The following TXLNG variants were observed in gnomAD, a reference collection of about 807,000 sequenced individuals.
TXLNG encodes gamma-taxilin.
A neutral mutation model predicts 38.8 loss-of-function variants in TXLNG; 5 were observed. The ratio of observed to expected loss-of-function variants is 0.13; its 90% CI spans 0.07 to 0.27. The LOEUF (loss-of-function observed/expected upper bound fraction) is 0.27, where lower values mean the gene tolerates loss of function less well. Among genes scored for constraint, TXLNG ranks in the 10% least tolerant of loss-of-function variants. The probability of loss-of-function intolerance (pLI) is 1.00; values close to 1 mark genes in which losing one functional copy is unlikely to be tolerated. For synonymous variants in TXLNG, 182 were observed against 158.2 expected (o/e 1.15, Z -1.13); for missense variants, 393 against 398.2 (o/e 0.99, Z 0.11).
chrX:16,837,386 T>G (rs2147500107), intron 7 of TXLNG, among the ~76,000 whole-genome samples: 1 of 112,013 alleles, frequency 8.9e-6, no homozygotes, highest in South Asian at 3.7e-4. Context: ...GATCTAATAT[T>G]AAAGTCAACA....
intron 1 of TXLNG, among the ~76,000 whole-genome samples, chrX:16,815,179 T>TTTG (rs765668252): frequency 1.1e-3 from 118 of 111,682 alleles, no homozygotes; most frequent in Non-Finnish European, 1.3e-3. Flanking sequence ...TTTGTTTGTT[T>TTTG]TTGTTGTTGT....
In TXLNG at chrX:16,844,310, CTG is replaced by C. The variant is rs1403271108; in HGVS notation, c.*2547_*2548del. ...TCTTTCAGACTGTAGATGGAAATAA[CTG>C]TGAAAAAAATGATGCAGATATCTTC... is the stretch of plus-strand genomic sequence containing the variant. On this transcript the variant is annotated 3_prime_UTR_variant, in exon 10 of 10. Transcript: ENST00000380122. The C allele has an allele frequency of 8.9e-6, 1 of 112,091 alleles. No individual in the cohort carries two copies. The highest frequency in any genetic ancestry group is 1.9e-5 in the Non-Finnish European group (1 of 53,250). 9.2% of individuals were successfully genotyped at this position (112,091 alleles called of 1,213,427 possible). A position where few individuals can be genotyped will look rare whatever the true frequency, so the allele number is the denominator to read the frequency against.
intron 1 of TXLNG, among the ~76,000 whole-genome samples, chrX:16,797,009 C>T (rs1461262566): frequency 2.7e-5 from 3 of 111,376 alleles, no homozygotes; most frequent in Non-Finnish European, 5.6e-5. Flanking sequence ...TGAGGCTGGG[C>T]GCGGTGGCTC....
chrX:16,797,079 T>A lies in TXLNG; in HGVS notation c.102+10490T>A, dbSNP rs148119653. ...TGGGTGGATCACCTGAGGTCAGGAG[T>A]TTGAGACCAGTGTGGCCAACACAGG... is the stretch of plus-strand genomic sequence containing the variant. On this transcript the variant is annotated intron_variant, in intron 1 of 9. Coordinates refer to ENST00000380122, the MANE Select transcript of TXLNG (RefSeq NM_018360.3). 7.9e-3 allele frequency among the ~76,000 whole-genome samples: 865 copies of A among 109,715 alleles called. 7 individuals carry two copies. The highest frequency in any genetic ancestry group is 0.027 in the African/African-American group (815 of 30,094).
At chrX:16,787,221 C>T (rs1927525462) in intron 1 of TXLNG, among the ~76,000 whole-genome samples, 1 of 111,578 alleles carries the variant, frequency 9.0e-6, no homozygotes, top group African/African-American at 3.2e-5. Context: ...GGACGCTCGG[C>T]CCCCGGGACC....
intron 8 of TXLNG, 139 bp from the exon 9 acceptor site, chrX:16,839,682 G>GAC (rs770686454): frequency 7.4e-6 from 3 of 406,122 alleles, no homozygotes; most frequent in Non-Finnish European, 8.6e-6. Flanking sequence ...CTTCTATAAA[G>GAC]ACACACACAG....
rs762817842 is a variant in TXLNG, at chrX:16,844,397, A to ATTGT, written c.*2633_*2636dup. On this transcript the variant is annotated 3_prime_UTR_variant, in exon 10 of 10. Coordinates refer to ENST00000380122, the MANE Select transcript of TXLNG (RefSeq NM_018360.3). Reference sequence around the variant, plus strand: ...GCCCACGTCTTTCATGAGGATACGAATTGTTAAGAGGCAGTCTCGTTTTGC... The same window carrying ATTGT: ...GCCCACGTCTTTCATGAGGATACGAATTGTTTGTTAAGAGGCAGTCTCGTTTTGC... The ATTGT allele has an allele frequency of 1.8e-5, 2 of 112,399 alleles. No homozygotes were observed. Among genetic ancestry groups the ATTGT allele is most frequent in the African/African-American group, 6.5e-5 (2 of 30,917 alleles). The allele number at this position is 112,399 out of a possible 1,213,427, so 9.3% of individuals were successfully genotyped here.
intron 1 of TXLNG, among the ~76,000 whole-genome samples, chrX:16,817,504 T>C (rs919284124): frequency 8.9e-6 from 1 of 112,229 alleles, no homozygotes; most frequent in Admixed American, 9.5e-5. Flanking sequence ...TGCTCTCCCA[T>C]AAATTTTGAA....
At chrX:16,833,981 T>C (rs1209547141) in intron 6 of TXLNG, among the ~76,000 whole-genome samples, 1 of 112,293 alleles carries the variant, frequency 8.9e-6, no homozygotes, top group African/African-American at 3.2e-5. Context: ...CTGCTAATAC[T>C]GTACATGTAA....
chrX:16,843,380 G>GTTAA lies in TXLNG; in HGVS notation c.*1617_*1620dup, dbSNP rs1929940158. On this transcript the variant is annotated 3_prime_UTR_variant, in exon 10 of 10. Coordinates refer to ENST00000380122, the MANE Select transcript of TXLNG (RefSeq NM_018360.3). The stretch of plus-strand genomic sequence containing the variant: ...TATCTAAGCCTCCACTATCAGTCAT[G>GTTAA]TTAATTCAAGGGGCCACAGTGGAGG... The GTTAA allele has an allele frequency of 9.0e-6, 1 of 111,670 alleles. No individual in the cohort carries two copies. Among genetic ancestry groups the GTTAA allele is most frequent in the Admixed American group, 9.5e-5 (1 of 10,511 alleles). 9.2% of individuals were successfully genotyped at this position (111,670 alleles called of 1,213,427 possible). A position where few individuals can be genotyped will look rare whatever the true frequency, so the allele number is the denominator to read the frequency against.
At chrX:16,803,918 C>G (rs1928215287) in intron 1 of TXLNG, among the ~76,000 whole-genome samples, 1 of 109,905 alleles carries the variant, frequency 9.1e-6, no homozygotes, top group South Asian at 3.9e-4. Context: ...TGCCACTGCA[C>G]TCCAGCCTGG....
chrX:16,790,879 A>G (rs1040223267), intron 1 of TXLNG, among the ~76,000 whole-genome samples: 5 of 111,864 alleles, frequency 4.5e-5, no homozygotes, highest in Non-Finnish European at 9.4e-5. Context: ...TCTTTCATCT[A>G]TACTACAGTA....
chrX:16,786,602 G>C lies in TXLNG; in HGVS notation c.102+13G>C, dbSNP rs1433585901. ...CCCGCGGCAGAAGGTCAGTCAGGGGGACGCCCTCGTTGTTGTCGGGCCCGG... is the reference window on the plus strand; with the variant it reads ...CCCGCGGCAGAAGGTCAGTCAGGGGCACGCCCTCGTTGTTGTCGGGCCCGG... On this transcript the variant is annotated intron_variant, in intron 1 of 9. Coordinates refer to ENST00000380122, the MANE Select transcript of TXLNG (RefSeq NM_018360.3). 13 of 1,044,267 alleles carry C rather than the reference G, an allele frequency of 1.2e-5. No homozygotes were observed. Among genetic ancestry groups the C allele is most frequent in the Non-Finnish European group, 1.6e-5 (13 of 814,497 alleles). 86.1% of individuals were successfully genotyped at this position (1,044,267 alleles called of 1,213,427 possible).
intron 5 of TXLNG, among the ~76,000 whole-genome samples, chrX:16,831,112 A>G (rs1159093948): frequency 2.7e-5 from 3 of 111,949 alleles, no homozygotes; most frequent in East Asian, 2.8e-4. Flanking sequence ...ATTTAAGTAT[A>G]ACCATAATAC....
At chrX:16,817,149 C>G (rs749688730) in intron 1 of TXLNG, among the ~76,000 whole-genome samples, 1 of 112,332 alleles carries the variant, frequency 8.9e-6, no homozygotes, top group Non-Finnish European at 1.9e-5. Context: ...TGCTTTGATA[C>G]TATAGTTTAT....
At chrX:16,788,074 C>A (rs1157239689) in intron 1 of TXLNG, among the ~76,000 whole-genome samples, 3 of 112,170 alleles carry the variant, frequency 2.7e-5, no homozygotes, top group Admixed American at 9.5e-5. Flanking sequence ...GGACCAATGT[C>A]CTGTAAGGGA....
chrX:16,811,657 T>C (rs1309461158), intron 1 of TXLNG, among the ~76,000 whole-genome samples: 1 of 109,112 alleles, frequency 9.2e-6, no homozygotes, highest in Non-Finnish European at 1.9e-5. Context: ...TTTTTTTTTT[T>C]TTTGAGACGG....
intron 1 of TXLNG, among the ~76,000 whole-genome samples, chrX:16,818,082 C>T (rs772391975): frequency 9.0e-6 from 1 of 111,101 alleles, no homozygotes; most frequent in Admixed American, 9.6e-5. Flanking sequence ...ACGTGGAAGT[C>T]GCCCCTTGGT....
At chrX:16,837,707 A>G (rs1929643688) in intron 8 of TXLNG, 22 bp downstream of exon 8, 1 of 1,093,959 alleles carries the variant, frequency 9.1e-7, no homozygotes, top group East Asian at 3.0e-5. Flanking sequence ...TTTTTAGTAG[A>G]ATAGTATATC....
Sources: gnomAD v4.1 joint callset for allele counts (sites outside exome capture counted in the v4.1 genomes callset) on GRCh38, gnomAD v4.1.1 for gene constraint, MANE v1.5 for transcripts, NCBI Gene and HGNC (gene_info 2026-07-23, HGNC 2026-07-21) for gene names.